The following SCEL variants were observed in gnomAD, a reference collection of about 807,000 sequenced individuals.
SCEL encodes sciellin.
Under a neutral mutation model 117.6 loss-of-function variants are expected in SCEL, and 113 were observed. The ratio of observed to expected loss-of-function variants is 0.96; its 90% CI spans 0.83 to 1.12. SCEL has a LOEUF of 1.12. SCEL is among the 50% of genes most tolerant of loss of function. SCEL has a pLI of 0.00. For missense variants in SCEL, 785 were observed against 810.8 expected (o/e 0.97, Z 0.39); for synonymous variants, 270 against 256.2 (o/e 1.05, Z -0.51).
chr13:77,570,853 T>C (rs915564133), intron 8 of SCEL, among the ~76,000 whole-genome samples: 2 of 151,990 alleles, frequency 1.3e-5, no homozygotes, highest in Non-Finnish European at 2.9e-5. Flanking sequence ...TTCTTTTCTT[T>C]TTCTTTTTTC....
chr13:77,621,111 C>T (rs1458492693), intron 27 of SCEL, among the ~76,000 whole-genome samples: 2 of 152,188 alleles, frequency 1.3e-5, no homozygotes, highest in Admixed American at 6.5e-5. Context: ...AGCCTCCTAA[C>T]TTGCCCCTCT....
intron 1 of SCEL, among the ~76,000 whole-genome samples, chr13:77,544,920 G>C (rs1325669020): frequency 6.6e-6 from 1 of 152,142 alleles, no homozygotes; most frequent in African/African-American, 2.4e-5. Context: ...ATAAAAACTA[G>C]CTCTTTCTGG....
At position 77,563,851 on chromosome 13, in the gene SCEL, T is replaced by C. The variant is rs1045391413; in HGVS notation, c.242T>C (p.Val81Ala). The change falls in exon 5 of 33, where the codon GTG (valine) becomes GCG (alanine). Residue 81 changes from valine (V) to alanine (A), a missense_variant. Val to Ala is a moderately conservative substitution (Grantham distance 64). Coordinates refer to ENST00000349847, the MANE Select transcript of SCEL (RefSeq NM_144777.3). ...TACAGGAAAGTAAATGAGAGAGATGTGCCAAAAGCTACAATTAGTCGGTAC... is the reference window on the plus strand; with the variant it reads ...TACAGGAAAGTAAATGAGAGAGATGCGCCAAAAGCTACAATTAGTCGGTAC... ...ALDRKVNERD[V>A]PKATISRYSS... is the part of the protein sequence containing the mutation. 1.4e-5 allele frequency: 23 copies of C among 1,599,640 alleles called. No individual in the cohort carries two copies. The East Asian group carries it at 2.0e-4, about 14-fold the overall frequency.
intron 14 of SCEL, 127 bp from the exon 15 acceptor site, chr13:77,599,562 T>C: frequency 1.1e-6 from 1 of 893,642 alleles, no homozygotes; most frequent in East Asian, 2.5e-5. Context: ...GAAGGATTTC[T>C]GCTCTTCCAT....
At chr13:77,540,187 A>G (rs1236843288) in intron 1 of SCEL, among the ~76,000 whole-genome samples, 1 of 152,244 alleles carries the variant, frequency 6.6e-6, no homozygotes, top group Non-Finnish European at 1.5e-5. Flanking sequence ...GTAAAAATTA[A>G]AAGAAAAATA....
intron 27 of SCEL, among the ~76,000 whole-genome samples, chr13:77,622,478 T>C (rs1293847861): frequency 1.3e-5 from 2 of 152,208 alleles, no homozygotes; most frequent in Non-Finnish European, 2.9e-5. Context: ...ATAAATGACA[T>C]TATTATAACA....
intron 11 of SCEL, among the ~76,000 whole-genome samples, chr13:77,592,172 A>G (rs565531837): frequency 2.0e-4 from 31 of 152,246 alleles, no homozygotes; most frequent in African/African-American, 6.7e-4. Context: ...TTCATTTTTT[A>G]TATTATCCCC....
intron 1 of SCEL, among the ~76,000 whole-genome samples, chr13:77,545,020 A>G (rs1466201313): frequency 6.6e-6 from 1 of 152,192 alleles, no homozygotes; most frequent in African/African-American, 2.4e-5. Flanking sequence ...ATGATTTTAC[A>G]TCATAATTTT....
intron 22 of SCEL, among the ~76,000 whole-genome samples, chr13:77,610,477 G>T (rs2088572875): frequency 6.6e-6 from 1 of 150,386 alleles, no homozygotes; most frequent in South Asian, 2.1e-4. Flanking sequence ...AAGATAAATT[G>T]CATTGTCCCG....
At chr13:77,631,659 T>C (rs187037049) in intron 28 of SCEL, among the ~76,000 whole-genome samples, 34 of 152,290 alleles carry the variant, frequency 2.2e-4, no homozygotes, top group Admixed American at 1.8e-3. Flanking sequence ...TTTAAAATTA[T>C]CATCCTCAAA....
At chr13:77,581,538 G>T (rs983362347) in intron 9 of SCEL, among the ~76,000 whole-genome samples, 63 of 152,056 alleles carry the variant, frequency 4.1e-4, no homozygotes, top group Non-Finnish European at 7.4e-5. Context: ...TGTTGCCTCC[G>T]CCCCTGCCAG....
At chr13:77,580,211 G>A (rs1055755024) in intron 9 of SCEL, among the ~76,000 whole-genome samples, 1 of 152,190 alleles carries the variant, frequency 6.6e-6, no homozygotes, top group African/African-American at 2.4e-5. Flanking sequence ...AAGTGCAAGT[G>A]TCATCAATGT....
chr13:77,615,354 A>G (rs890128360), intron 24 of SCEL, among the ~76,000 whole-genome samples: 5 of 152,090 alleles, frequency 3.3e-5, no homozygotes, highest in Non-Finnish European at 7.4e-5. Flanking sequence ...TTGATCTTAA[A>G]ATATATAAAA....
chr13:77,558,686 G>A (rs2084798033), intron 3 of SCEL, among the ~76,000 whole-genome samples: 1 of 151,694 alleles, frequency 6.6e-6, no homozygotes, highest in Non-Finnish European at 1.5e-5. Flanking sequence ...CGTGTTGGCG[G>A]GCACCTATAA....
chr13:77,597,352 T>G (rs919455481), intron 12 of SCEL, among the ~76,000 whole-genome samples, 193 bp from the exon 13 acceptor site: 2 of 151,968 alleles, frequency 1.3e-5, no homozygotes, highest in African/African-American at 4.9e-5. Context: ...AGGACTCTAT[T>G]CAGTTAGAGG....
chr13:77,600,851 T>C (rs1327215839), intron 15 of SCEL, among the ~76,000 whole-genome samples: 2 of 152,198 alleles, frequency 1.3e-5, no homozygotes, highest in Non-Finnish European at 1.5e-5. Flanking sequence ...TGAGAATTAT[T>C]TCTATTGTCA....
At chr13:77,599,620 A>G in intron 14 of SCEL, 69 bp from the exon 15 acceptor site, 1 of 1,148,454 alleles carries the variant, frequency 8.7e-7, no homozygotes. Context: ...ATTGCATTTG[A>G]CCTTTCAAGA....
At chr13:77,540,319 G>A (rs1346012555) in intron 1 of SCEL, among the ~76,000 whole-genome samples, 1 of 152,184 alleles carries the variant, frequency 6.6e-6, no homozygotes, top group East Asian at 1.9e-4. Context: ...CTGCTCTTAA[G>A]ATGTACAATG....
At chr13:77,608,461 A>G (rs1163473760) in intron 20 of SCEL, among the ~76,000 whole-genome samples, 1 of 152,130 alleles carries the variant, frequency 6.6e-6, no homozygotes, top group African/African-American at 2.4e-5. Flanking sequence ...TTAGCCAGGC[A>G]TGGTGGAGTG....
Sources: allele counts gnomAD v4.1 joint callset (sites outside exome capture counted in the v4.1 genomes callset), GRCh38; gene constraint gnomAD v4.1.1; transcripts MANE v1.5; gene names NCBI Gene and HGNC (gene_info 2026-07-23, HGNC 2026-07-21).